Variants in GRIN2A observed in about 807,000 individuals in gnomAD.
GRIN2A encodes glutamate receptor ionotropic, NMDA 2A.
A neutral mutation model predicts 113.4 loss-of-function variants in GRIN2A; 22 were observed. That is an observed-to-expected ratio of 0.19 (90% CI 0.14 to 0.28). The LOEUF (loss-of-function observed/expected upper bound fraction) is 0.28. GRIN2A is among the 10% of genes least tolerant of loss of function. GRIN2A has a pLI of 1.00. For synonymous variants in GRIN2A, 827 were observed against 738.4 expected (o/e 1.12, Z -1.94); for missense variants, 1,502 against 1,887.0 (o/e 0.80, Z 3.78).
intron 4 of GRIN2A, among the ~76,000 whole-genome samples, chr16:9,862,759 A>T (rs1332789867): frequency 6.6e-6 from 1 of 152,202 alleles, no homozygotes; most frequent in Non-Finnish European, 1.5e-5. Flanking sequence ...CCTTGGAGTA[A>T]TATAATGCCA....
Position 9,759,993 on chromosome 16 carries a change from A to C in GRIN2A, c.*3156T>G, listed in dbSNP as rs957324338. 19 of 231,064 alleles carry C rather than the reference A, an allele frequency of 8.2e-5. No individual in the cohort carries two copies. The highest frequency in any genetic ancestry group is 1.2e-4 in the Non-Finnish European group (14 of 116,740). The allele number at this position is 231,064 out of a possible 1,614,324, so 14.3% of individuals were successfully genotyped here. On this transcript the variant is annotated 3_prime_UTR_variant, in exon 13 of 13. Transcript: ENST00000330684. ...GACAGAGACCCAACCGTTTGCATTC[A>C]AGTGTACCTATCTGAGGACTAGTTG...
At chr16:9,771,097 AGT>A (rs1271160354) in intron 11 of GRIN2A, among the ~76,000 whole-genome samples, 1 of 152,000 alleles carries the variant, frequency 6.6e-6, no homozygotes, top group African/African-American at 2.4e-5. Flanking sequence ...TTTCATTGTC[AGT>A]GTTAGTGTTA....
intron 2 of GRIN2A, among the ~76,000 whole-genome samples, chr16:10,165,065 T>C (rs1177789992): frequency 6.6e-6 from 1 of 152,214 alleles, no homozygotes; most frequent in Non-Finnish European, 1.5e-5. Flanking sequence ...AGTAATGGAT[T>C]CTATTAAAAG....
At chr16:9,877,976 T>C (rs1016957211) in intron 4 of GRIN2A, among the ~76,000 whole-genome samples, 5 of 151,624 alleles carry the variant, frequency 3.3e-5, no homozygotes, top group African/African-American at 1.2e-4. Flanking sequence ...ATGGTTTTCA[T>C]TGGTCTATTC....
At position 10,048,010 on chromosome 16, in the gene GRIN2A, A is replaced by T. The variant is rs138776600; in HGVS notation, c.415-109459T>A. Among the ~76,000 whole-genome samples, 1,125 of 152,262 alleles carry T rather than the reference A, an allele frequency of 7.4e-3. 7 individuals are homozygous for T. Among genetic ancestry groups the T allele is most frequent in the Non-Finnish European group, 0.013 (913 of 68,014 alleles). On this transcript the variant is annotated intron_variant, in intron 2 of 12. Transcript: ENST00000330684. ...TGTCCCAGATAAACTAGGTACATTC[A>T]ATATTTAATCACAATCTGTTTCTGA...
intron 2 of GRIN2A, among the ~76,000 whole-genome samples, chr16:9,981,108 G>A (rs1020062654): frequency 6.6e-6 from 1 of 151,580 alleles, no homozygotes; most frequent in African/African-American, 2.4e-5. Context: ...AGCAGGCCTG[G>A]GCTAAAGGTG....
intron 10 of GRIN2A, among the ~76,000 whole-genome samples, chr16:9,800,038 G>A (rs1567306598): frequency 6.6e-6 from 1 of 151,842 alleles, no homozygotes; most frequent in African/African-American, 2.4e-5. Flanking sequence ...GCAATGGTGC[G>A]ATCTCAGCTC....
At chr16:10,105,179 G>A (rs1027066782) in intron 2 of GRIN2A, among the ~76,000 whole-genome samples, 5 of 151,972 alleles carry the variant, frequency 3.3e-5, no homozygotes, top group Admixed American at 1.3e-4. Context: ...GAAGCCAGAA[G>A]GCCCTGAACC....
At chr16:10,043,452 T>C (rs1596456825) in intron 2 of GRIN2A, among the ~76,000 whole-genome samples, 1 of 152,196 alleles carries the variant, frequency 6.6e-6, no homozygotes, top group South Asian at 2.1e-4. Context: ...CCTCCTTATC[T>C]TTTTGTGGAG....
intron 2 of GRIN2A, among the ~76,000 whole-genome samples, chr16:10,064,981 G>T (rs578202321): frequency 7.2e-5 from 11 of 152,204 alleles, no homozygotes; most frequent in Admixed American, 6.5e-4. Context: ...AGAATACACC[G>T]TAACGTGGAG....
chr16:10,145,350 C>T (rs1309543753), intron 2 of GRIN2A, among the ~76,000 whole-genome samples: 1 of 152,100 alleles, frequency 6.6e-6, no homozygotes, highest in Non-Finnish European at 1.5e-5. Context: ...ACAACAAAAA[C>T]AAAACAAAGA....
At chr16:10,104,782 C>A (rs183166572) in intron 2 of GRIN2A, among the ~76,000 whole-genome samples, 11 of 152,254 alleles carry the variant, frequency 7.2e-5, no homozygotes, top group African/African-American at 2.6e-4. Context: ...ACATCGTAGA[C>A]CCCACTGTGT....
intron 2 of GRIN2A, among the ~76,000 whole-genome samples, chr16:9,979,739 C>T (rs906682493): frequency 6.9e-5 from 10 of 145,896 alleles, no homozygotes; most frequent in East Asian, 2.1e-4. Context: ...TACTAGAAAA[C>T]GCTTGGAGGC....
At chr16:9,856,726 T>C (rs190066166) in intron 4 of GRIN2A, among the ~76,000 whole-genome samples, 419 of 152,096 alleles carry the variant, frequency 2.8e-3, no homozygotes, top group African/African-American at 8.5e-3. Flanking sequence ...TAAAAATAGA[T>C]ACATGAATAA....
chr16:9,838,640 C>T (rs529888941), intron 7 of GRIN2A, among the ~76,000 whole-genome samples: 25 of 152,004 alleles, frequency 1.6e-4, no homozygotes, highest in Non-Finnish European at 2.6e-4. Context: ...AACTGTGGAC[C>T]GACAGGTTTA....
chr16:9,965,960 A>G lies in GRIN2A; in HGVS notation c.415-27409T>C, dbSNP rs75191857. Among the ~76,000 whole-genome samples the G allele has an allele frequency of 5.9e-5, 9 of 152,322 alleles. No individual in the cohort carries two copies. The East Asian group carries it at 1.5e-3, about 26-fold the overall frequency. ...AAACACTTGCCAATTGCTGCTTTAC[A>G]ATACTTTCTGGTAGCTTATCAAAAT... On this transcript the variant is annotated intron_variant, in intron 2 of 12. Transcript: ENST00000330684.
chr16:10,073,043 C>A (rs1347708556), intron 2 of GRIN2A, among the ~76,000 whole-genome samples: 1 of 149,762 alleles, frequency 6.7e-6, no homozygotes, highest in African/African-American at 2.5e-5. Context: ...GCAACCTCCT[C>A]CTCCCTAGTT....
At chr16:10,061,212 A>T (rs1681250104) in intron 2 of GRIN2A, among the ~76,000 whole-genome samples, 1 of 152,174 alleles carries the variant, frequency 6.6e-6, no homozygotes, top group African/African-American at 2.4e-5. Context: ...TGGATCATGA[A>T]GCAACTTTAA....
At chr16:10,022,011 C>G (rs2046734286) in intron 2 of GRIN2A, among the ~76,000 whole-genome samples, 1 of 152,088 alleles carries the variant, frequency 6.6e-6, no homozygotes, top group Non-Finnish European at 1.5e-5. Flanking sequence ...CTCATAATAC[C>G]TCATACAGAA....
Sources: gnomAD v4.1 joint callset for allele counts (sites outside exome capture counted in the v4.1 genomes callset) on GRCh38, gnomAD v4.1.1 for gene constraint, MANE v1.5 for transcripts, NCBI Gene and HGNC (gene_info 2026-07-23, HGNC 2026-07-21) for gene names.